Variants in ZNF385D observed in about 807,000 individuals in gnomAD.
ZNF385D encodes the protein zinc finger protein 659.
Under a neutral mutation model 35.8 loss-of-function variants are expected in ZNF385D, and 15 were observed. That is an observed-to-expected ratio of 0.42 (90% CI 0.28 to 0.64). ZNF385D has a LOEUF of 0.64. Ranked by LOEUF, ZNF385D falls within the 30% of genes least tolerant of loss-of-function variation. ZNF385D has a pLI of 0.23. For missense variants in ZNF385D, 474 were observed against 494.6 expected (o/e 0.96, Z 0.39); for synonymous variants, 212 against 186.8 (o/e 1.13, Z -1.10).
intron 3 of ZNF385D, among the ~76,000 whole-genome samples, chr3:21,791,236 A>G (rs2071914670): frequency 6.6e-6 from 1 of 152,178 alleles, no homozygotes; most frequent in Admixed American, 6.5e-5. Flanking sequence ...CTGCAACGTG[A>G]CTAGTTTGCC....
intron 4 of ZNF385D, among the ~76,000 whole-genome samples, chr3:21,481,632 G>A (rs1251694174): frequency 1.3e-5 from 2 of 152,078 alleles, no homozygotes; most frequent in Admixed American, 1.3e-4. Context: ...GGCCTCAAGC[G>A]ATCTTCCCAC....
chr3:22,002,985 G>A (rs1559838764), intron 3 of ZNF385D, among the ~76,000 whole-genome samples: 1 of 152,082 alleles, frequency 6.6e-6, no homozygotes, highest in Non-Finnish European at 1.5e-5. Flanking sequence ...ATGGGGAAAA[G>A]CTGGAAGCCT....
At chr3:21,669,433 C>T (rs939097916) in intron 1 of ZNF385D, among the ~76,000 whole-genome samples, 5 of 151,912 alleles carry the variant, frequency 3.3e-5, no homozygotes, top group South Asian at 4.2e-4. Flanking sequence ...TTAAAAGGGC[C>T]GTATATTCAC....
chr3:22,305,418 A>G (rs1703151042), intron 2 of ZNF385D, among the ~76,000 whole-genome samples: 1 of 152,160 alleles, frequency 6.6e-6, no homozygotes, highest in South Asian at 2.1e-4. Flanking sequence ...CTATGCAGTG[A>G]CAAACAACCT....
At chr3:21,741,518 G>A (rs1435250836) in intron 1 of ZNF385D, among the ~76,000 whole-genome samples, 1 of 152,084 alleles carries the variant, frequency 6.6e-6, no homozygotes, top group Non-Finnish European at 1.5e-5. Context: ...CAGTTACCAT[G>A]GTGGTACCTC....
chr3:22,193,081 CTTCA>C (rs1354225655), intron 2 of ZNF385D, among the ~76,000 whole-genome samples: 1 of 152,146 alleles, frequency 6.6e-6, no homozygotes, highest in Admixed American at 6.6e-5. Flanking sequence ...TTATAACACT[CTTCA>C]TTCAAAGAAA....
At chr3:21,687,162 C>T (rs1420062766) in intron 1 of ZNF385D, among the ~76,000 whole-genome samples, 1 of 152,130 alleles carries the variant, frequency 6.6e-6, no homozygotes, top group East Asian at 1.9e-4. Flanking sequence ...GATCCACAGT[C>T]AACAGCCAGC....
intron 3 of ZNF385D, among the ~76,000 whole-genome samples, chr3:21,843,099 G>C (rs1005049757): frequency 6.6e-6 from 1 of 152,032 alleles, no homozygotes; most frequent in East Asian, 1.9e-4. Context: ...ATTTATCCTG[G>C]AGAGTAGTTC....
intron 2 of ZNF385D, among the ~76,000 whole-genome samples, chr3:21,593,711 CTT>C (rs202216534): frequency 1.3e-5 from 2 of 151,480 alleles, no homozygotes; most frequent in Admixed American, 6.6e-5. Flanking sequence ...ATATTATAGA[CTT>C]TTTTTAAAAA....
intron 3 of ZNF385D, among the ~76,000 whole-genome samples, chr3:21,861,517 G>A (rs761503944): frequency 6.6e-6 from 1 of 152,088 alleles, no homozygotes; most frequent in Non-Finnish European, 1.5e-5. Flanking sequence ...TCTACGGGGA[G>A]AATTTTACCA....
At chr3:22,130,089 C>T (rs1466706260) in intron 3 of ZNF385D, among the ~76,000 whole-genome samples, 1 of 152,126 alleles carries the variant, frequency 6.6e-6, no homozygotes, top group Non-Finnish European at 1.5e-5. Context: ...CTTTGTGGCC[C>T]TGGGTGGGTC....
chr3:21,989,397 C>T (rs546694871), intron 3 of ZNF385D, among the ~76,000 whole-genome samples: 9 of 152,036 alleles, frequency 5.9e-5, no homozygotes, highest in South Asian at 4.1e-4. Flanking sequence ...CGTAGGAATA[C>T]AGTTATGATT....
chr3:22,187,672 G>T (rs146937681), intron 2 of ZNF385D, among the ~76,000 whole-genome samples: 1 of 151,994 alleles, frequency 6.6e-6, no homozygotes, highest in Admixed American at 6.6e-5. Flanking sequence ...CTTTATAATA[G>T]ATATATATTT....
chr3:21,800,656 A>G (rs2072354846), intron 3 of ZNF385D, among the ~76,000 whole-genome samples: 1 of 152,076 alleles, frequency 6.6e-6, no homozygotes. Context: ...AAGTGTTTTT[A>G]TTCTATTGTA....
intron 2 of ZNF385D, among the ~76,000 whole-genome samples, chr3:22,235,808 G>C (rs543212052): frequency 6.6e-6 from 1 of 152,200 alleles, no homozygotes; most frequent in East Asian, 1.9e-4. Context: ...TCTGGGAGGA[G>C]TGCAAATTGG....
chr3:22,140,975 A>G (rs568633482), intron 3 of ZNF385D, among the ~76,000 whole-genome samples: 8 of 152,326 alleles, frequency 5.3e-5, no homozygotes, highest in Non-Finnish European at 1.2e-4. Flanking sequence ...AGCTCAAACA[A>G]TTGTTGAACT....
At chr3:21,808,595 A>T (rs1171700870) in intron 3 of ZNF385D, among the ~76,000 whole-genome samples, 3 of 152,224 alleles carry the variant, frequency 2.0e-5, no homozygotes, top group African/African-American at 7.2e-5. Context: ...TGCTGTGGCC[A>T]TAGAGCTACT....
At position 21,921,363 on chromosome 3, in the gene ZNF385D, A is replaced by T. The variant is rs182941696; in HGVS notation, c.325+247454T>A. 3.3e-5 allele frequency among the ~76,000 whole-genome samples: 5 copies of T among 152,344 alleles called. No individual in the cohort carries two copies. The East Asian group carries it at 9.6e-4, about 29-fold the overall frequency. On this transcript the variant is annotated intron_variant, in intron 3 of 5. Transcript: ENST00000494108. ...AGTAATATGCAATCATTAACTATAG[A>T]AATTGATGCTATTCTTAGAGGATGC...
At chr3:22,016,627 A>T (rs1045683648) in intron 3 of ZNF385D, among the ~76,000 whole-genome samples, 1 of 151,968 alleles carries the variant, frequency 6.6e-6, no homozygotes, top group African/African-American at 2.4e-5. Context: ...GCCTAGAACA[A>T]AAGTTTGTGT....
Sources: allele counts gnomAD v4.1 joint callset (sites outside exome capture counted in the v4.1 genomes callset), GRCh38; gene constraint gnomAD v4.1.1; transcripts MANE v1.5; gene names NCBI Gene and HGNC (gene_info 2026-07-23, HGNC 2026-07-21).